Variants in CSPP1 observed in about 807,000 individuals in gnomAD.
CSPP1 encodes the protein centrosome and spindle pole-associated protein 1.
Under a neutral mutation model 164.4 loss-of-function variants are expected in CSPP1, and 126 were observed. The observed-to-expected ratio is 0.77, with a 90% CI of 0.66 to 0.89. The LOEUF (loss-of-function observed/expected upper bound fraction) is 0.89, where lower values mean the gene tolerates loss of function less well. Among genes scored for constraint, CSPP1 ranks in the 40% least tolerant of loss-of-function variants. The pLI is 0.00. For synonymous variants in CSPP1, 472 were observed against 476.7 expected, an observed-to-expected ratio of 0.99 and a Z score of 0.13; for missense variants, 1,395 against 1,449.8, an observed-to-expected ratio of 0.96 and a Z score of 0.61.
intron 7 of CSPP1, among the ~76,000 whole-genome samples, chr8:67,102,187 A>T (rs1296484318): frequency 2.6e-5 from 4 of 152,210 alleles, no homozygotes; most frequent in Non-Finnish European, 5.9e-5. Flanking sequence ...TATATTTTCC[A>T]TTCACCTATC....
At chr8:67,128,428 A>C (rs1820528054) in intron 15 of CSPP1, among the ~76,000 whole-genome samples, 1 of 151,770 alleles carries the variant, frequency 6.6e-6, no homozygotes, top group Non-Finnish European at 1.5e-5. Flanking sequence ...AGTTCTAGCT[A>C]CTCGGGAGGC....
chr8:67,079,304 A>G lies in CSPP1; in HGVS notation c.199+2723A>G, dbSNP rs117068753. On this transcript the variant is annotated intron_variant, in intron 3 of 30. Transcript: ENST00000678616. ...TATGGTCATGTATGGCATGGGCTCA[A>G]AATCAAAATTTGCAAAATTAACTTA... Among the ~76,000 whole-genome samples, 1,121 of 152,314 alleles carry G rather than the reference A, an allele frequency of 7.4e-3. 9 individuals carry two copies. The highest frequency in any genetic ancestry group is 0.011 in the Non-Finnish European group (719 of 68,032).
intron 10 of CSPP1, among the ~76,000 whole-genome samples, chr8:67,112,742 C>G (rs1363026399): frequency 1.3e-5 from 2 of 152,180 alleles, no homozygotes; most frequent in Non-Finnish European, 2.9e-5. Context: ...ATCCAGCACA[C>G]TGTGTAATAT....
At chr8:67,148,898 A>T (rs113146377) in intron 17 of CSPP1, among the ~76,000 whole-genome samples, 3,044 of 152,260 alleles carry the variant, frequency 0.02, 72 homozygotes, top group South Asian at 0.046. Context: ...ATTCTATGTA[A>T]TGAATTAACC....
intron 17 of CSPP1, among the ~76,000 whole-genome samples, chr8:67,147,151 ATG>A (rs1188570480): frequency 2.4e-4 from 37 of 152,340 alleles, no homozygotes; most frequent in African/African-American, 8.9e-4. Context: ...ATAAATTATA[ATG>A]TGTTATCGAA....
intron 5 of CSPP1, among the ~76,000 whole-genome samples, chr8:67,092,488 A>C (rs1379667575): frequency 6.6e-6 from 1 of 152,074 alleles, no homozygotes. Context: ...CCCAGGCTGG[A>C]GGGCAGTGGC....
chr8:67,114,618 A>T (rs945855460), intron 12 of CSPP1: 1 of 152,242 alleles, frequency 6.6e-6, no homozygotes, highest in African/African-American at 2.4e-5. Flanking sequence ...TTGCACCAGC[A>T]TCACTCGCAG....
intron 29 of CSPP1, among the ~76,000 whole-genome samples, chr8:67,191,317 T>C (rs1161868207): frequency 6.6e-6 from 1 of 152,250 alleles, no homozygotes; most frequent in Admixed American, 6.5e-5. Context: ...TGTTTCCTTA[T>C]ATATGACGTG....
chr8:67,168,520 G>A (rs1252370192), intron 24 of CSPP1, among the ~76,000 whole-genome samples: 1 of 151,992 alleles, frequency 6.6e-6, no homozygotes, highest in African/African-American at 2.4e-5. Flanking sequence ...ATAAATAAAT[G>A]TATGTATTTG....
intron 9 of CSPP1, among the ~76,000 whole-genome samples, chr8:67,106,769 G>A (rs968483857): frequency 6.6e-6 from 1 of 152,096 alleles, no homozygotes; most frequent in Non-Finnish European, 1.5e-5. Flanking sequence ...TTTGGTTTTA[G>A]TAAAGTATAT....
chr8:67,134,420 CTCT>C (rs1263671178), intron 16 of CSPP1: 1 of 146,600 alleles, frequency 6.8e-6, no homozygotes, highest in African/African-American at 2.7e-5. Flanking sequence ...TGAAAGGAAT[CTCT>C]TTTTTTTAGT....
In CSPP1 at chr8:67,095,606, A is replaced by G. The variant is rs1353287068; in HGVS notation, c.797A>G (p.Asp266Gly). The G allele has an allele frequency of 6.2e-7, 1 of 1,614,042 alleles. No individual in the cohort carries two copies. Among genetic ancestry groups the G allele is most frequent in the South Asian group, 1.1e-5 (1 of 91,082 alleles). ...AGAAGATTTCACAGATTTAATGAGG[A>G]TCGTGTTTTTGATAGACGGTATCAT... ...PDRRFHRFNE[D>G]RVFDRRYHRP... Residue 266 changes from aspartate to glycine, a missense_variant, in exon 7 of 31, where the codon GAT (aspartate) becomes GGT (glycine). Coordinates refer to ENST00000678616, the MANE Select transcript of CSPP1 (RefSeq NM_001382391.1).
At chr8:67,179,346 C>G (rs1373176583) in intron 27 of CSPP1, among the ~76,000 whole-genome samples, 1 of 152,120 alleles carries the variant, frequency 6.6e-6, no homozygotes, top group African/African-American at 2.4e-5. Context: ...GAGTATACCC[C>G]TCTCTCTCCC....
intron 17 of CSPP1, among the ~76,000 whole-genome samples, chr8:67,140,285 A>C (rs899394352): frequency 3.3e-5 from 5 of 152,058 alleles, no homozygotes; most frequent in Non-Finnish European, 7.4e-5. Context: ...GGGTTTCACC[A>C]TGTTGGTCAG....
intron 17 of CSPP1, among the ~76,000 whole-genome samples, chr8:67,148,669 A>G (rs761963303): frequency 4.6e-5 from 7 of 152,242 alleles, no homozygotes; most frequent in Non-Finnish European, 1.0e-4. Flanking sequence ...ATTCTTGAAC[A>G]TAACAGGCTT....
intron 29 of CSPP1, among the ~76,000 whole-genome samples, chr8:67,192,076 TTG>T (rs1431643881): frequency 8.7e-4 from 128 of 146,630 alleles, no homozygotes; most frequent in African/African-American, 2.7e-3. Context: ...GTTTTTTTTT[TTG>T]TTTTTTTTTT....
At chr8:67,096,541 G>A (rs901131519) in intron 7 of CSPP1, among the ~76,000 whole-genome samples, 3 of 151,612 alleles carry the variant, frequency 2.0e-5, no homozygotes, top group Admixed American at 6.6e-5. Flanking sequence ...CTCCAGCCTG[G>A]GCGGTAAGGT....
At chr8:67,189,507 T>A (rs938075183) in intron 28 of CSPP1, among the ~76,000 whole-genome samples, 1 of 152,222 alleles carries the variant, frequency 6.6e-6, no homozygotes, top group Non-Finnish European at 1.5e-5. Context: ...GAAAGCCCCA[T>A]ATCTTATTCA....
At chr8:67,122,874 CTGTGTGTG>C (rs34484092) in intron 15 of CSPP1, among the ~76,000 whole-genome samples, 7 of 149,372 alleles carry the variant, frequency 4.7e-5, no homozygotes, top group Non-Finnish European at 8.9e-5. Context: ...CAGTCTTGCT[CTGTGTGTG>C]TGTGTGTGTG....
Sources: allele counts gnomAD v4.1 joint callset (sites outside exome capture counted in the v4.1 genomes callset), GRCh38; gene constraint gnomAD v4.1.1; transcripts MANE v1.5; gene names NCBI Gene and HGNC (gene_info 2026-07-23, HGNC 2026-07-21).